TEX11: variants seen among roughly 807,000 people sequenced by gnomAD.
The protein encoded by TEX11 is testis-expressed protein 11.
A neutral mutation model predicts 84.4 loss-of-function variants in TEX11; 7 were observed. The observed-to-expected ratio is 0.08, with a 90% CI of 0.05 to 0.16. The LOEUF is 0.16. Ranked by LOEUF, TEX11 falls within the 10% of genes least tolerant of loss-of-function variation. The probability of loss-of-function intolerance (pLI) is 1.00; values close to 1 mark genes in which losing one functional copy is unlikely to be tolerated. For missense variants in TEX11, 551 were observed against 660.5 expected (o/e 0.83, Z 1.82); for synonymous variants, 264 against 222.8 (o/e 1.18, Z -1.64).
chrX:70,804,372 C>T (rs1422311129), intron 9 of TEX11, among the ~76,000 whole-genome samples: 1 of 112,083 alleles, frequency 8.9e-6, no homozygotes, highest in Non-Finnish European at 1.9e-5. Context: ...ATTCACTGTG[C>T]TACAATTCCT....
intron 7 of TEX11, among the ~76,000 whole-genome samples, chrX:70,844,538 C>T (rs1465545639): frequency 9.3e-6 from 1 of 107,765 alleles, no homozygotes; most frequent in Non-Finnish European, 1.9e-5. Flanking sequence ...GTGCAGCACA[C>T]CAACATGGCA....
chrX:70,583,200 C>T (rs758448655), intron 25 of TEX11, among the ~76,000 whole-genome samples: 2 of 111,189 alleles, frequency 1.8e-5, no homozygotes, highest in South Asian at 3.8e-4. Context: ...CTGTAACCAT[C>T]ACCCAAATAA....
At chrX:70,518,190 C>T in the TEX11 span, among the ~76,000 whole-genome samples, 2 of 110,983 alleles carry the variant, frequency 1.8e-5, no homozygotes, top group Non-Finnish European at 1.9e-5. Flanking sequence ...GCTCTTGCTT[C>T]TCTAGTTCTT....
intron 15 of TEX11, among the ~76,000 whole-genome samples, chrX:70,675,887 C>T (rs2090067605): frequency 8.9e-6 from 1 of 111,871 alleles, no homozygotes; most frequent in African/African-American, 3.3e-5. Context: ...GCCTTGGCCT[C>T]CCAAAGTGCT....
At chrX:70,738,435 A>C (rs1460625238) in intron 11 of TEX11, among the ~76,000 whole-genome samples, 1 of 112,260 alleles carries the variant, frequency 8.9e-6, no homozygotes, top group Non-Finnish European at 1.9e-5. Flanking sequence ...CAATTATTAA[A>C]AAGTCAGGAA....
intron 11 of TEX11, among the ~76,000 whole-genome samples, chrX:70,727,983 T>G (rs1176172193): frequency 2.7e-5 from 3 of 112,906 alleles, no homozygotes; most frequent in Admixed American, 1.9e-4. Context: ...TAGTTTTGCC[T>G]ACATTTGAAC....
At chrX:70,812,592 T>A (rs2091263240) in intron 8 of TEX11, among the ~76,000 whole-genome samples, 2 of 110,913 alleles carry the variant, frequency 1.8e-5, no homozygotes, top group African/African-American at 6.6e-5. Context: ...CAGCACCATT[T>A]ATTAAATAGG....
chrX:70,677,780 A>G (rs571784093), intron 15 of TEX11, among the ~76,000 whole-genome samples: 1 of 105,127 alleles, frequency 9.5e-6, no homozygotes, highest in South Asian at 4.5e-4. Context: ...GCACAATTGT[A>G]ATGCTCACTT....
intron 13 of TEX11, among the ~76,000 whole-genome samples, chrX:70,709,669 T>C (rs1298972523): frequency 6.3e-5 from 7 of 111,458 alleles, no homozygotes; most frequent in Non-Finnish European, 1.3e-4. Context: ...ATTTAATGTG[T>C]AGAATCTAGA....
chrX:70,802,881 G>A (rs1344533395), intron 9 of TEX11, among the ~76,000 whole-genome samples: 1 of 111,954 alleles, frequency 8.9e-6, no homozygotes, highest in East Asian at 2.8e-4. Context: ...TGAAATTTCT[G>A]TATACCTTTT....
rs1312306848 is a variant in TEX11, at chrX:70,843,337, G to C, written c.525+9697C>G. On this transcript the variant is annotated intron_variant, in intron 7 of 29. Transcript: ENST00000374333. ...CAACTATCTGATCTTTGACAAACCTGACAAAAACAAGCAATGGGGAAAGGA... is the reference window on the plus strand; with the variant it reads ...CAACTATCTGATCTTTGACAAACCTCACAAAAACAAGCAATGGGGAAAGGA... Among the ~76,000 whole-genome samples, 16 of 111,510 alleles carry C rather than the reference G, an allele frequency of 1.4e-4. No homozygotes were observed. In the Admixed American group the frequency reaches 1.5e-3, roughly 11 times the overall value.
intron 8 of TEX11, among the ~76,000 whole-genome samples, chrX:70,826,185 C>A (rs1364200426): frequency 9.1e-6 from 1 of 109,641 alleles, no homozygotes; most frequent in African/African-American, 3.3e-5. Flanking sequence ...GTGGCTCATG[C>A]CTGTAATCCC....
At chrX:70,591,874 T>A in intron 24 of TEX11, 51 bp from the exon 25 acceptor site, 7 of 876,883 alleles carry the variant, frequency 8.0e-6, no homozygotes, top group Non-Finnish European at 1.1e-5. Context: ...AAAAGAACTT[T>A]AAGCAAATTA....
In TEX11 at chrX:70,883,139, TTTTTTGTTTTTG is replaced by T. The variant is rs974996249; in HGVS notation, c.38-3042_38-3031del. 8.9e-5 allele frequency among the ~76,000 whole-genome samples: 10 copies of T among 111,772 alleles called. No homozygotes were observed. The South Asian group carries it at 2.6e-3, about 29-fold the overall frequency. On this transcript the variant is annotated intron_variant, in intron 2 of 29. Transcript: ENST00000374333. ...GGAGAAGCTCAGAAAATAAATTCTA[TTTTTTGTTTTTG>T]TTTTTGTTTTTGTTTTGAGACAGGG...
chrX:70,825,932 C>A (rs1044995335), intron 8 of TEX11, among the ~76,000 whole-genome samples: 1 of 110,140 alleles, frequency 9.1e-6, no homozygotes, highest in African/African-American at 3.3e-5. Flanking sequence ...GAGCTGAGAT[C>A]GCGCCACTGC....
At chrX:70,715,062 G>C (rs1301533088) in intron 13 of TEX11, among the ~76,000 whole-genome samples, 1 of 111,326 alleles carries the variant, frequency 9.0e-6, no homozygotes, top group East Asian at 2.8e-4. Context: ...AGCTTAGTTT[G>C]GCTGGACATG....
At chrX:70,796,877 G>A (rs867856218) in intron 9 of TEX11, among the ~76,000 whole-genome samples, 1 of 112,081 alleles carries the variant, frequency 8.9e-6, no homozygotes, top group African/African-American at 3.2e-5. Context: ...AGCATCACTA[G>A]TCATCAGAGA....
intron 9 of TEX11, among the ~76,000 whole-genome samples, chrX:70,781,070 C>T (rs1239249076): frequency 9.0e-6 from 1 of 111,602 alleles, no homozygotes; most frequent in African/African-American, 3.3e-5. Flanking sequence ...CAACAGACAC[C>T]TCATATAGGC....
intron 13 of TEX11, among the ~76,000 whole-genome samples, chrX:70,706,250 T>C (rs1413480801): frequency 9.5e-6 from 1 of 105,679 alleles, no homozygotes; most frequent in Non-Finnish European, 1.9e-5. Flanking sequence ...TAGGTGGGAA[T>C]TGAACAATGA....
Sources: allele counts gnomAD v4.1 joint callset (sites outside exome capture counted in the v4.1 genomes callset), GRCh38; gene constraint gnomAD v4.1.1; transcripts MANE v1.5; gene names NCBI Gene and HGNC (gene_info 2026-07-23, HGNC 2026-07-21).